Variants in NME8 observed in about 807,000 individuals in gnomAD.
NME8 encodes the protein NME/NM23 family member 8.
A neutral mutation model predicts 82.3 loss-of-function variants in NME8; 72 were observed. The observed-to-expected ratio is 0.87, with a 90% CI of 0.72 to 1.06. The LOEUF is 1.06. NME8 is among the 50% of genes least tolerant of loss of function. NME8 has a pLI of 0.00. For synonymous variants in NME8, 267 were observed against 228.5 expected (o/e 1.17, Z -1.52); for missense variants, 712 against 685.4 (o/e 1.04, Z -0.43).
intron 13 of NME8, 96 bp from the exon 14 acceptor site, chr7:37,885,049 T>C (rs1785019992): frequency 1.3e-6 from 1 of 764,290 alleles, no homozygotes; most frequent in African/African-American, 1.7e-5. Flanking sequence ...TTACATGTTT[T>C]TGATCTATTT....
At chr7:37,898,518 A>G (rs1348788653) in intron 17 of NME8, among the ~76,000 whole-genome samples, 2 of 152,240 alleles carry the variant, frequency 1.3e-5, no homozygotes, top group Non-Finnish European at 2.9e-5. Flanking sequence ...TAAAGATACA[A>G]CGGAATATTA....
At chr7:37,893,616 G>A (rs766378935) in intron 15 of NME8, among the ~76,000 whole-genome samples, 1 of 152,104 alleles carries the variant, frequency 6.6e-6, no homozygotes, top group Non-Finnish European at 1.5e-5. Context: ...TAACACAAAG[G>A]TCAGTGTCTC....
chr7:37,883,736 T>C (rs1457950191), intron 12 of NME8, among the ~76,000 whole-genome samples: 1 of 152,162 alleles, frequency 6.6e-6, no homozygotes, highest in African/African-American at 2.4e-5. Flanking sequence ...CATAGCTGGA[T>C]CACACTGCCA....
intron 11 of NME8, among the ~76,000 whole-genome samples, chr7:37,870,971 T>A (rs1583633974): frequency 6.6e-6 from 1 of 152,260 alleles, no homozygotes; most frequent in East Asian, 1.9e-4. Context: ...TCTAAAGGAA[T>A]AAGGACAAAA....
chr7:37,850,847 A>G, intron 5 of NME8, 112 bp downstream of exon 5: 1 of 736,754 alleles, frequency 1.4e-6, no homozygotes, highest in Non-Finnish European at 2.4e-6. Context: ...GTTCTTCAAA[A>G]TAGATAGTCT....
intron 5 of NME8, 84 bp from the exon 6 acceptor site, chr7:37,857,190 A>G (rs1464975240): frequency 1.3e-5 from 14 of 1,053,596 alleles, no homozygotes; most frequent in Non-Finnish European, 1.9e-5. Context: ...AATTATATAT[A>G]TCTCTGCATT....
chr7:37,880,240 C>G (rs537780905), intron 12 of NME8, among the ~76,000 whole-genome samples: 1 of 152,100 alleles, frequency 6.6e-6, no homozygotes, highest in South Asian at 2.1e-4. Context: ...TTTTGGATTG[C>G]GGTTTTAGTG....
chr7:37,883,800 T>G (rs185783240), intron 12 of NME8, among the ~76,000 whole-genome samples: 2 of 152,302 alleles, frequency 1.3e-5, no homozygotes, highest in Admixed American at 6.5e-5. Flanking sequence ...TAGGCTTCTG[T>G]AGTGGGAAGT....
At chr7:37,895,340 T>TGATG (rs1053217251) in intron 16 of NME8, among the ~76,000 whole-genome samples, 90 of 152,312 alleles carry the variant, frequency 5.9e-4, no homozygotes, top group African/African-American at 2.1e-3. Context: ...CCAGGCCTTG[T>TGATG]GATGAGCTGT....
At chr7:37,865,335 A>G (rs527917155) in intron 9 of NME8, among the ~76,000 whole-genome samples, 190 bp from the exon 10 acceptor site, 1 of 152,362 alleles carries the variant, frequency 6.6e-6, no homozygotes, top group East Asian at 1.9e-4. Context: ...TCTGAAATCC[A>G]GCAGAGCAGT....
rs1162458243 is a variant in NME8, at chr7:37,863,412, T to G, written c.404T>G (p.Leu135Ter). Residue 135 changes from leucine to a stop codon, truncating the protein, a stop_gained, in exon 8 of 18, where the codon TTA becomes TGA. Coordinates refer to ENST00000199447, the MANE Select transcript of NME8 (RefSeq NM_016616.5). LOFTEE classifies it high-confidence loss of function. ...MARPQYPEIP[L>*]VDSDSEVSEE... ...TTTTCATAGTATCCTGAAATTCCAT[T>G]AGTAGACTCAGATTCAGAAGTTAGT... is the stretch of plus-strand genomic sequence containing the variant. 6.3e-7 allele frequency: 1 copy of G among 1,589,160 alleles called. No homozygotes were observed. Among genetic ancestry groups the G allele is most frequent in the Non-Finnish European group, 8.6e-7 (1 of 1,157,356 alleles).
intron 5 of NME8, among the ~76,000 whole-genome samples, chr7:37,854,272 A>G (rs1264373293): frequency 6.6e-6 from 1 of 152,172 alleles, no homozygotes; most frequent in Non-Finnish European, 1.5e-5. Flanking sequence ...TATATTTACT[A>G]TGCATTAAGT....
At chr7:37,852,214 T>C (rs1207109107) in intron 5 of NME8, among the ~76,000 whole-genome samples, 1 of 152,100 alleles carries the variant, frequency 6.6e-6, no homozygotes, top group African/African-American at 2.4e-5. Context: ...AGTTTTAGGC[T>C]CATAGCAAAA....
chr7:37,860,047 A>G (rs1055264187), intron 6 of NME8, among the ~76,000 whole-genome samples: 2 of 152,228 alleles, frequency 1.3e-5, no homozygotes, highest in Non-Finnish European at 1.5e-5. Context: ...GCCTTCCTCA[A>G]GAGATATTAG....
At chr7:37,894,878 C>CCCTTT (rs1259772492) in intron 16 of NME8, among the ~76,000 whole-genome samples, 2 of 151,164 alleles carry the variant, frequency 1.3e-5, no homozygotes, top group South Asian at 2.1e-4. Context: ...CCCTTCCCTT[C>CCCTTT]CCTTTCCTTT....
chr7:37,872,153 A>G (rs544055801), intron 11 of NME8, among the ~76,000 whole-genome samples: 156 of 152,238 alleles, frequency 1.0e-3, no homozygotes, highest in African/African-American at 3.7e-3. Flanking sequence ...CTTCACTGAG[A>G]CTTCCTGACT....
At chr7:37,878,614 C>T (rs1784893624) in intron 12 of NME8, among the ~76,000 whole-genome samples, 1 of 151,892 alleles carries the variant, frequency 6.6e-6, no homozygotes, top group African/African-American at 2.4e-5. Flanking sequence ...TGTCTTTTTG[C>T]CATTTTCAAT....
intron 2 of NME8, among the ~76,000 whole-genome samples, chr7:37,849,318 T>C (rs2722360): frequency 6.6e-6 from 1 of 151,982 alleles, no homozygotes; most frequent in South Asian, 2.1e-4. Flanking sequence ...GCATGTTCAT[T>C]TGTTTGCAAT....
In NME8 at chr7:37,884,449, T is replaced by C. The variant is rs1317662567; in HGVS notation, c.1139+2T>C. The C allele has an allele frequency of 1.9e-6, 3 of 1,608,390 alleles. No homozygotes were observed. Among genetic ancestry groups the C allele is most frequent in the African/African-American group, 2.7e-5 (2 of 74,822 alleles). ...TAAACTTATAGAAAACATGACCAGG[T>C]AGAATCCAGGTTGAGAAAATTCAGT... On this transcript the variant is annotated splice_donor_variant, in intron 13 of 17. Transcript: ENST00000199447. LOFTEE classifies it high-confidence loss of function.
Sources: gnomAD v4.1 joint callset for allele counts (sites outside exome capture counted in the v4.1 genomes callset) on GRCh38, gnomAD v4.1.1 for gene constraint, MANE v1.5 for transcripts, NCBI Gene and HGNC (gene_info 2026-07-23, HGNC 2026-07-21) for gene names.